Variants in SIDT1 observed in about 807,000 individuals in gnomAD.
SIDT1 encodes the protein SID1 transmembrane family member 1, also known as SID1 transmembrane family, member 1.
A neutral mutation model predicts 107.5 loss-of-function variants in SIDT1; 101 were observed. That is an observed-to-expected ratio of 0.94 (90% CI 0.80 to 1.11). SIDT1 has a LOEUF of 1.11. SIDT1 is among the 50% of genes least tolerant of loss of function. SIDT1 has a pLI of 0.00. For missense variants in SIDT1, 1,076 were observed against 1,058.2 expected, an observed-to-expected ratio of 1.02 and a Z score of -0.23; for synonymous variants, 395 against 398.2, an observed-to-expected ratio of 0.99 and a Z score of 0.10.
In SIDT1 at chr3:113,568,391, G is replaced by A. The variant is rs1451230475; in HGVS notation, c.515+681G>A. Among the ~76,000 whole-genome samples, 3 of 151,988 alleles carry A rather than the reference G, an allele frequency of 2.0e-5. No individual in the cohort carries two copies. In the East Asian group the frequency reaches 5.8e-4, roughly 30 times the overall value. On this transcript the variant is annotated intron_variant, in intron 3 of 24. Coordinates refer to ENST00000264852, the MANE Select transcript of SIDT1 (RefSeq NM_017699.3). ...AGGTGGATCACGAGGTCAGGAGATC[G>A]AGACCATCCTGGCTAACACAGTGAA... is the stretch of plus-strand genomic sequence containing the variant.
Position 113,593,874 on chromosome 3 carries a change from T to G in SIDT1, c.1045+826T>G, listed in dbSNP as rs12496348. On this transcript the variant is annotated intron_variant, in intron 10 of 24. Transcript: ENST00000264852. The stretch of plus-strand genomic sequence containing the variant: ...AGAGTAATTGACTATCCAGCAATTG[T>G]ACTATGCCTTTTCCTCCACTCTGAG... 2.8e-3 allele frequency among the ~76,000 whole-genome samples: 423 copies of G among 152,370 alleles called. 5 individuals carry two copies. The highest frequency in any genetic ancestry group is 0.022 in the Admixed American group (336 of 15,310).
chr3:113,547,229 C>T (rs902783005), intron 1 of SIDT1, among the ~76,000 whole-genome samples: 3 of 151,986 alleles, frequency 2.0e-5, no homozygotes, highest in Admixed American at 6.6e-5. Flanking sequence ...CCCAGAAATA[C>T]GTGCAATTTT....
intron 10 of SIDT1, 52 bp from the exon 11 acceptor site, chr3:113,601,531 GTTGTT>G: frequency 8.5e-7 from 1 of 1,174,426 alleles, no homozygotes; most frequent in Non-Finnish European, 1.3e-6. Flanking sequence ...TTAGAATAGT[GTTGTT>G]TTGTTTTAGC....
chr3:113,574,985 G>T (rs969354513), intron 3 of SIDT1, among the ~76,000 whole-genome samples: 1 of 152,124 alleles, frequency 6.6e-6, no homozygotes, highest in African/African-American at 2.4e-5. Context: ...TATTTCATCT[G>T]CAACAGATAC....
intron 3 of SIDT1, among the ~76,000 whole-genome samples, chr3:113,570,540 C>T (rs1051850885): frequency 1.2e-4 from 19 of 152,314 alleles, no homozygotes; most frequent in Admixed American, 7.2e-4. Flanking sequence ...ATTATTTGCA[C>T]GCTGGTGAAA....
chr3:113,572,030 A>C (rs1387796470), intron 3 of SIDT1, among the ~76,000 whole-genome samples: 3 of 152,214 alleles, frequency 2.0e-5, no homozygotes, highest in Non-Finnish European at 4.4e-5. Context: ...GAGAAGTTAG[A>C]AGGCTGATGC....
chr3:113,535,749 C>T (rs951723760), intron 1 of SIDT1, among the ~76,000 whole-genome samples: 1 of 152,174 alleles, frequency 6.6e-6, no homozygotes, highest in African/African-American at 2.4e-5. Context: ...TCAAATCTTA[C>T]AGCCTTCTGG....
At chr3:113,610,969 C>T (rs760103853) in intron 17 of SIDT1, 39 bp from the exon 18 acceptor site, 1 of 1,606,702 alleles carries the variant, frequency 6.2e-7, no homozygotes, top group East Asian at 2.2e-5. Flanking sequence ...CTGTCACCTA[C>T]TGAATCCTGA....
At chr3:113,608,991 GTTTT>G (rs1018424721) in intron 17 of SIDT1, among the ~76,000 whole-genome samples, 26 of 146,308 alleles carry the variant, frequency 1.8e-4, no homozygotes, top group African/African-American at 6.1e-4. Flanking sequence ...CAAGGAAGTT[GTTTT>G]TTGAGAAAGC....
chr3:113,566,601 C>G lies in SIDT1; in HGVS notation c.344+60C>G, dbSNP rs932324253. ...TTTAGTTTTCTTCAATGTCCTAGAA[C>G]TTAATTGGTCTTTTCCCTATTGAAA... On this transcript the variant is annotated intron_variant, in intron 2 of 24. Coordinates refer to ENST00000264852, the MANE Select transcript of SIDT1 (RefSeq NM_017699.3). 7 of 1,553,922 alleles carry G rather than the reference C, an allele frequency of 4.5e-6. No individual in the cohort carries two copies. The Admixed American group carries it at 1.3e-4, about 29-fold the overall frequency.
rs183495270 is a variant in SIDT1, at chr3:113,625,945, T to A, written c.2308-157T>A. The A allele has an allele frequency of 4.6e-3, 2,851 of 614,108 alleles. 12 individuals are homozygous for A. The highest frequency in any genetic ancestry group is 5.3e-3 in the Non-Finnish European group (1,824 of 341,896). 38.0% of individuals were successfully genotyped at this position (614,108 alleles called of 1,614,324 possible). ...GCTTTGGTTGCCTGTGCTTTTGAGGTCTTTGTGTACAGGTTTTTGTGTGGA... is the reference window on the plus strand; with the variant it reads ...GCTTTGGTTGCCTGTGCTTTTGAGGACTTTGTGTACAGGTTTTTGTGTGGA... On this transcript the variant is annotated intron_variant, in intron 23 of 24. Transcript: ENST00000264852.
chr3:113,610,712 T>G (rs1945672833), intron 17 of SIDT1, among the ~76,000 whole-genome samples: 1 of 152,222 alleles, frequency 6.6e-6, no homozygotes, highest in Non-Finnish European at 1.5e-5. Flanking sequence ...TAGTTGTTTG[T>G]TTATCATATC....
intron 1 of SIDT1, among the ~76,000 whole-genome samples, chr3:113,541,627 A>G (rs965617600): frequency 6.6e-5 from 10 of 152,194 alleles, no homozygotes; most frequent in Non-Finnish European, 1.3e-4. Flanking sequence ...CTTTTGCACC[A>G]ATCTGAGACT....
Position 113,608,172 on chromosome 3 carries a change from C to T in SIDT1, c.1557C>T (p.Asp519=). ...FLFLLIVLRR[D]ILHRRALEAK... is the part of the protein sequence containing the mutation. ...TCCTGCTGATAGTCTTGCGCCGCGA[C>T]ATCCTCCATCGGAGAGCCCTGGAAG... The change falls in exon 16 of 25, where the codon GAC becomes GAT. Residue 519 remains aspartate (D), a synonymous_variant. Transcript: ENST00000264852. 1.2e-6 allele frequency: 2 copies of T among 1,611,364 alleles called. No individual in the cohort carries two copies. Among genetic ancestry groups the T allele is most frequent in the South Asian group, 2.2e-5 (2 of 90,540 alleles).
At chr3:113,571,900 A>T (rs991375158) in intron 3 of SIDT1, among the ~76,000 whole-genome samples, 1 of 152,172 alleles carries the variant, frequency 6.6e-6, no homozygotes, top group African/African-American at 2.4e-5. Context: ...GCACCACTGT[A>T]CTCCAGCCTG....
chr3:113,555,495 G>T (rs1940752456), intron 1 of SIDT1, among the ~76,000 whole-genome samples: 1 of 152,116 alleles, frequency 6.6e-6, no homozygotes, highest in South Asian at 2.1e-4. Context: ...GCATTTTTCT[G>T]TATTCTTGGC....
chr3:113,580,836 A>G, intron 5 of SIDT1, 127 bp downstream of exon 5: 1 of 661,356 alleles, frequency 1.5e-6, no homozygotes, highest in Non-Finnish European at 2.7e-6. Context: ...ACTAAACAAT[A>G]CGAACAGTAT....
At chr3:113,589,764 C>T (rs1161881012) in intron 9 of SIDT1, 1 of 152,560 alleles carries the variant, frequency 6.6e-6, no homozygotes, top group African/African-American at 2.4e-5. Context: ...GAATTCCTGA[C>T]CTCAGGTGAT....
chr3:113,560,608 C>T (rs1203936013), intron 1 of SIDT1, among the ~76,000 whole-genome samples: 1 of 152,108 alleles, frequency 6.6e-6, no homozygotes, highest in Non-Finnish European at 1.5e-5. Context: ...GAAAAAAGGA[C>T]CATCAGCAGA....
Sources: allele counts gnomAD v4.1 joint callset (sites outside exome capture counted in the v4.1 genomes callset), GRCh38; gene constraint gnomAD v4.1.1; transcripts MANE v1.5; gene names NCBI Gene and HGNC (gene_info 2026-07-23, HGNC 2026-07-21).